Variants in KLHL20 observed in about 807,000 individuals in gnomAD.
KLHL20 encodes the protein kelch like family member 20.
KLHL20 carries 29 observed loss-of-function variants against 69.5 expected under a neutral mutation model. That is an observed-to-expected ratio of 0.42 (90% CI 0.31 to 0.57). The LOEUF is 0.57. KLHL20 is among the 20% of genes least tolerant of loss of function. The pLI, the probability that KLHL20 is intolerant of heterozygous loss-of-function variation, is 0.18. For missense variants in KLHL20, 419 were observed against 776.0 expected (o/e 0.54, Z 5.47); for synonymous variants, 253 against 265.2 (o/e 0.95, Z 0.45).
intron 10 of KLHL20, among the ~76,000 whole-genome samples, chr1:173,776,393 T>G (rs1571933468): frequency 6.6e-6 from 1 of 152,212 alleles, no homozygotes; most frequent in East Asian, 1.9e-4. Flanking sequence ...TTGTTGGTTG[T>G]TTCCTTTGCT....
At chr1:173,778,887 G>T (rs1648662648) in intron 10 of KLHL20, among the ~76,000 whole-genome samples, 1 of 151,490 alleles carries the variant, frequency 6.6e-6, no homozygotes, top group East Asian at 1.9e-4. Flanking sequence ...TGTTGATTTT[G>T]TTTATCTTTC....
Position 173,719,109 on chromosome 1 carries a change from A to AAAAAAAAAAAG in KLHL20, c.23+3049_23+3050insAAAAGAAAAAA, listed in dbSNP as rs1245834979. On this transcript the variant is annotated intron_variant, in intron 2 of 11. Coordinates refer to ENST00000209884, the MANE Select transcript of KLHL20 (RefSeq NM_014458.4). ...TAAACAGCGGGACTCCGTCTCAAAA[A>AAAAAAAAAAAG]AAAAAAGAAAAATTATTTTGTAAAT... is the stretch of plus-strand genomic sequence containing the variant. 2.6e-5 allele frequency among the ~76,000 whole-genome samples: 4 copies of AAAAAAAAAAAG among 152,036 alleles called. 1 individual carries two copies. The highest frequency in any genetic ancestry group is 7.2e-5 in the African/African-American group (3 of 41,412).
At chr1:173,723,723 T>C (rs1399633164) in intron 2 of KLHL20, among the ~76,000 whole-genome samples, 1 of 152,172 alleles carries the variant, frequency 6.6e-6, no homozygotes, top group East Asian at 1.9e-4. Context: ...ATCAGAATGC[T>C]TGAGTCATCC....
intron 3 of KLHL20, among the ~76,000 whole-genome samples, chr1:173,736,394 C>T (rs986024371): frequency 1.3e-5 from 2 of 152,198 alleles, no homozygotes; most frequent in Admixed American, 1.3e-4. Flanking sequence ...TATAAACATG[C>T]ACATGCAAGT....
intron 7 of KLHL20, among the ~76,000 whole-genome samples, chr1:173,757,738 T>C (rs1673613799): frequency 6.6e-6 from 1 of 152,198 alleles, no homozygotes; most frequent in South Asian, 2.1e-4. Context: ...CATACAACTT[T>C]CTATGATACC....
chr1:173,751,326 C>T (rs575685279), intron 3 of KLHL20, among the ~76,000 whole-genome samples: 15 of 152,136 alleles, frequency 9.9e-5, no homozygotes, highest in Non-Finnish European at 2.2e-4. Flanking sequence ...TCATTATATT[C>T]ATTCTTGTTT....
chr1:173,769,912 T>A (rs115178026), intron 8 of KLHL20, among the ~76,000 whole-genome samples: 1 of 151,148 alleles, frequency 6.6e-6, no homozygotes, highest in African/African-American at 2.4e-5. Flanking sequence ...TACAAAAAAA[T>A]TTAAGTAATA....
At position 173,785,244 on chromosome 1, in the gene KLHL20, G is replaced by T; in HGVS notation, c.1827G>T (p.Trp609Cys). ...IKMTHCESHI[W>C] Reference sequence around the variant, plus strand: ...TGACACATTGTGAATCCCATATTTGGTGAACACAGAGAAGACAGTCTTGTA... The same window carrying T: ...TGACACATTGTGAATCCCATATTTGTTGAACACAGAGAAGACAGTCTTGTA... The change falls in exon 12 of 12, where the codon TGG becomes TGT. Residue 609 changes from tryptophan (W) to cysteine (C), a missense_variant. Physicochemically the swap from Trp to Cys is radical, Grantham distance 215. Coordinates refer to ENST00000209884, the MANE Select transcript of KLHL20 (RefSeq NM_014458.4). 2 of 1,608,540 alleles carry T rather than the reference G, an allele frequency of 1.2e-6. No individual in the cohort carries two copies. Among genetic ancestry groups the T allele is most frequent in the Non-Finnish European group, 1.7e-6 (2 of 1,177,084 alleles).
intron 2 of KLHL20, among the ~76,000 whole-genome samples, chr1:173,729,980 A>G (rs1672179633): frequency 1.3e-5 from 2 of 152,068 alleles, no homozygotes; most frequent in South Asian, 4.1e-4. Flanking sequence ...CCATCATCTC[A>G]GCCCCAAATC....
At chr1:173,756,162 T>C (rs1468332119) in intron 6 of KLHL20, 124 bp downstream of exon 6, 1 of 675,592 alleles carries the variant, frequency 1.5e-6, no homozygotes, top group Non-Finnish European at 2.6e-6. Context: ...AGTCAGCATA[T>C]AGCTTGACTC....
intron 7 of KLHL20, among the ~76,000 whole-genome samples, chr1:173,759,616 G>A (rs1460287038): frequency 6.6e-6 from 1 of 152,132 alleles, no homozygotes; most frequent in African/African-American, 2.4e-5. Flanking sequence ...AGACCCAGAA[G>A]AGAGACAGCA....
At chr1:173,726,730 A>G (rs1671984490) in intron 2 of KLHL20, among the ~76,000 whole-genome samples, 1 of 152,156 alleles carries the variant, frequency 6.6e-6, no homozygotes, top group African/African-American at 2.4e-5. Context: ...AAATACATCC[A>G]CACCAAAACC....
chr1:173,721,354 T>G (rs1156289304), intron 2 of KLHL20, among the ~76,000 whole-genome samples: 1 of 152,238 alleles, frequency 6.6e-6, no homozygotes, highest in African/African-American at 2.4e-5. Context: ...GATTTGACTA[T>G]TCCCTAGTGT....
chr1:173,726,697 T>C (rs1010206436), intron 2 of KLHL20, among the ~76,000 whole-genome samples: 4 of 152,094 alleles, frequency 2.6e-5, no homozygotes, highest in African/African-American at 9.7e-5. Flanking sequence ...TCCTGAGTGT[T>C]AGAAGGAAAA....
At chr1:173,740,233 T>G (rs1672737308) in intron 3 of KLHL20, among the ~76,000 whole-genome samples, 1 of 150,844 alleles carries the variant, frequency 6.6e-6, no homozygotes, top group East Asian at 2.0e-4. Context: ...GCCATTCTCC[T>G]GCCTCAGCCT....
chr1:173,752,222 G>A lies in KLHL20; in HGVS notation c.756+300G>A, dbSNP rs188474508. On this transcript the variant is annotated intron_variant, in intron 4 of 11. Transcript: ENST00000209884. ...CTGTATTCCAGCCTGGCGACAGAGC[G>A]AGACTCCATCTCAAAAAAAAAAAAA... Among the ~76,000 whole-genome samples the A allele has an allele frequency of 2.0e-3, 295 of 148,730 alleles. 1 individual carries two copies. The highest frequency in any genetic ancestry group is 6.8e-3 in the African/African-American group (275 of 40,430).
At position 173,755,913 on chromosome 1, in the gene KLHL20, T is replaced by C. The variant is rs113130296; in HGVS notation, c.852-10T>C. ...AGATATTTGGAATAAAGGCAGAATT[T>C]TTTCTACAGAGACTTGGTAGATGAG... is the stretch of plus-strand genomic sequence containing the variant. On this transcript the variant is annotated splice_polypyrimidine_tract_variant and intron_variant, in intron 5 of 11. Coordinates refer to ENST00000209884, the MANE Select transcript of KLHL20 (RefSeq NM_014458.4). 3,167 of 1,590,548 alleles carry C rather than the reference T, an allele frequency of 2.0e-3. 41 individuals carry two copies. The African/African-American group carries it at 0.031, about 16-fold the overall frequency.
chr1:173,781,092 C>G (rs908355408), intron 10 of KLHL20, among the ~76,000 whole-genome samples: 1 of 151,586 alleles, frequency 6.6e-6, no homozygotes. Context: ...AGCCAGGGAA[C>G]ATGTGCAAAA....
At position 173,735,936 on chromosome 1, in the gene KLHL20, C is replaced by CTTTTTTTTTTT. The variant is rs769632286; in HGVS notation, c.597+1662_597+1672dup. Among the ~76,000 whole-genome samples the CTTTTTTTTTTT allele has an allele frequency of 5.7e-5, 6 of 105,980 alleles. 1 individual carries two copies. The highest frequency in any genetic ancestry group is 2.9e-4 in the East Asian group (1 of 3,406). The allele number at this position is 105,980 out of a possible 152,430, so 69.5% of individuals were successfully genotyped here. A position where few individuals can be genotyped will look rare whatever the true frequency, so the allele number is the denominator to read the frequency against. ...CAGATTGCTGCAAATGCCATTCTAT[C>CTTTTTTTTTTT]TTTTTTTTTTTTTTTTTTTTTTGAG... is the stretch of plus-strand genomic sequence containing the variant. On this transcript the variant is annotated intron_variant, in intron 3 of 11. Coordinates refer to ENST00000209884, the MANE Select transcript of KLHL20 (RefSeq NM_014458.4).
Sources: allele counts gnomAD v4.1 joint callset (sites outside exome capture counted in the v4.1 genomes callset), GRCh38; gene constraint gnomAD v4.1.1; transcripts MANE v1.5; gene names NCBI Gene and HGNC (gene_info 2026-07-23, HGNC 2026-07-21).